KRT32: variants seen among roughly 807,000 people sequenced by gnomAD.
KRT32 encodes the protein keratin 32.
A neutral mutation model predicts 41.8 loss-of-function variants in KRT32; 44 were observed. That is an observed-to-expected ratio of 1.05 (90% CI 0.83 to 1.35). The LOEUF (loss-of-function observed/expected upper bound fraction) is 1.35. KRT32 is among the 40% of genes most tolerant of loss of function. The pLI is 0.00. For missense variants in KRT32, 576 were observed against 584.6 expected (o/e 0.99, Z 0.15); for synonymous variants, 238 against 242.5 (o/e 0.98, Z 0.17).
intron 1 of KRT32, among the ~76,000 whole-genome samples, chr17:41,466,535 C>T (rs1679658864): frequency 6.6e-6 from 1 of 152,176 alleles, no homozygotes; most frequent in Non-Finnish European, 1.5e-5. Flanking sequence ...ACTTGACCTG[C>T]ATCATCTCAT....
chr17:41,464,424 C>A lies in KRT32; in HGVS notation c.728G>T (p.Cys243Phe). 6.4e-7 allele frequency: 1 copy of A among 1,574,090 alleles called. No homozygotes were observed. The highest frequency in any genetic ancestry group is 1.2e-5 in the South Asian group (1 of 84,370). ...GATGTTAAGGCGGTCCCCAAGCTGG[C>A]ATCGAAGGGAACCGACTTCCTGAAA... ...NHEEEVGSLR[C>F]QLGDRLNIEV... The change falls in exon 4 of 7, where the codon TGC (cysteine) becomes TTC (phenylalanine). Residue 243 changes from cysteine to phenylalanine, a missense_variant. Coordinates refer to ENST00000225899, the MANE Select transcript of KRT32 (RefSeq NM_002278.3).
Position 41,465,873 on chromosome 17 carries a change from C to A in KRT32, c.608G>T (p.Arg203Leu). 6.2e-7 allele frequency: 1 copy of A among 1,614,032 alleles called. No homozygotes were observed. The highest frequency in any genetic ancestry group is 8.5e-7 in the Non-Finnish European group (1 of 1,179,952). ...QLVEADINGL[R>L]RILDDLTLCK... is the part of the protein sequence containing the mutation. Reference sequence around the variant, plus strand: ...CAGAGTGAGATCATCCAGGATCCTGCGCAGGCCATTGATGTCGGCCTCCAC... The same window carrying A: ...CAGAGTGAGATCATCCAGGATCCTGAGCAGGCCATTGATGTCGGCCTCCAC... Residue 203 changes from arginine to leucine, a missense_variant, in exon 3 of 7, where the codon CGC becomes CTC. Transcript: ENST00000225899.
chr17:41,467,083 C>T lies in KRT32; in HGVS notation c.243G>A (p.Met81Ile). ...CQAASGISGS[M>I]GPGSWYSEGA... ...CTTCGCTGTACCAGCTGCCGGGGCC[C>T]ATGGAGCCGGAGATGCCACTGGCTG... The change falls in exon 1 of 7, where the codon ATG becomes ATA. Residue 81 changes from methionine (M) to isoleucine (I), a missense_variant. Physicochemically the swap from Met to Ile is conservative, Grantham distance 10 (BLOSUM62 1). Transcript: ENST00000225899. 6.2e-7 allele frequency: 1 copy of T among 1,614,228 alleles called. No individual in the cohort carries two copies. Among genetic ancestry groups the T allele is most frequent in the Non-Finnish European group, 8.5e-7 (1 of 1,180,040 alleles).
In KRT32 at chr17:41,459,525, G is replaced by A. The variant is rs1161388686; in HGVS notation, c.*585C>T. Among the ~76,000 whole-genome samples, 1 of 151,574 alleles carries A rather than the reference G, an allele frequency of 6.6e-6. No individual in the cohort carries two copies. Among genetic ancestry groups the A allele is most frequent in the African/African-American group, 2.4e-5 (1 of 40,870 alleles). Reference sequence around the variant, plus strand: ...GTACCAGCTGTAATGAGATTTAGGGGTGGGTTTATTATGATATGATTCTCA... The same window carrying A: ...GTACCAGCTGTAATGAGATTTAGGGATGGGTTTATTATGATATGATTCTCA... On this transcript the variant is annotated 3_prime_UTR_variant, in exon 7 of 7. Transcript: ENST00000225899.
intron 5 of KRT32, among the ~76,000 whole-genome samples, 162 bp downstream of exon 5, chr17:41,463,916 G>A (rs2019034873): frequency 6.6e-6 from 1 of 152,130 alleles, no homozygotes. Flanking sequence ...TTTTATCTCT[G>A]AGCTGGATCT....
chr17:41,466,075 G>GC lies in KRT32; in HGVS notation c.551+18dup, dbSNP rs1180753791. 3 of 1,613,204 alleles carry GC rather than the reference G, an allele frequency of 1.9e-6. No homozygotes were observed. Among genetic ancestry groups the GC allele is most frequent in the Non-Finnish European group, 1.7e-6 (2 of 1,179,276 alleles). On this transcript the variant is annotated intron_variant, in intron 2 of 6. Coordinates refer to ENST00000225899, the MANE Select transcript of KRT32 (RefSeq NM_002278.3). Reference sequence around the variant, plus strand: ...TGAGGACAGGTCCTCCCCAGCTCCAGCCCCCCGACTGAACTCACTTGGCCC... The same window carrying GC: ...TGAGGACAGGTCCTCCCCAGCTCCAGCCCCCCCGACTGAACTCACTTGGCCC...
chr17:41,464,482 A>G (rs905594131), intron 3 of KRT32, 39 bp from the exon 4 acceptor site: 23 of 1,508,866 alleles, frequency 1.5e-5, no homozygotes, highest in Non-Finnish European at 1.9e-5. Flanking sequence ...TGTGACAATG[A>G]TAGGATCCTG....
rs866282848 is a variant in KRT32 at position 41,463,097 on chromosome 17, T to A, written c.997-47A>T. On this transcript the variant is annotated intron_variant, in intron 5 of 6. Transcript: ENST00000225899. ...CCATGAGGAAGGGAGCTGTTTACCA[T>A]GGCCTGCTTCAGAAAGAACCAAGAA... is the stretch of plus-strand genomic sequence containing the variant. The A allele has an allele frequency of 1.9e-6, 3 of 1,550,356 alleles. No homozygotes were observed. In the Middle Eastern group the frequency reaches 5.3e-4, roughly 274 times the overall value.
At position 41,464,078 on chromosome 17, in the gene KRT32, C is replaced by A; in HGVS notation, c.996G>T (p.Leu332=). The A allele has an allele frequency of 6.3e-7, 1 of 1,586,578 alleles. No homozygotes were observed. Among genetic ancestry groups the A allele is most frequent in the Non-Finnish European group, 8.6e-7 (1 of 1,166,444 alleles). Reference sequence around the variant, plus strand: ...TGGGTGCCCACCCAGCAGCTCTCACCAGGCTGTGCTGGGCCTGCAGCTCGA... The same window carrying A: ...TGGGTGCCCACCCAGCAGCTCTCACAAGGCTGTGCTGGGCCTGCAGCTCGA... The part of the protein sequence containing the change: ...LEIELQAQHS[L]RDSLENTLTE... The change falls in exon 5 of 7, where the codon CTG becomes CTT. Residue 332 remains leucine (L), a splice_region_variant and synonymous_variant. Coordinates refer to ENST00000225899, the MANE Select transcript of KRT32 (RefSeq NM_002278.3).
chr17:41,460,398 C>T (rs751279965), intron 6 of KRT32, among the ~76,000 whole-genome samples, 159 bp from the exon 7 acceptor site: 1 of 152,170 alleles, frequency 6.6e-6, no homozygotes, highest in Non-Finnish European at 1.5e-5. Context: ...CCTGAGTCAC[C>T]TCATGGCCTC....
At chr17:41,460,772 C>G (rs1209752289) in intron 6 of KRT32, among the ~76,000 whole-genome samples, 2 of 152,216 alleles carry the variant, frequency 1.3e-5, no homozygotes, top group South Asian at 4.1e-4. Flanking sequence ...ACCTAGATGA[C>G]GGGTTGATAG....
intron 6 of KRT32, 51 bp downstream of exon 6, chr17:41,462,779 C>T (rs766425953): frequency 1.3e-6 from 2 of 1,596,120 alleles, no homozygotes; most frequent in South Asian, 2.2e-5. Context: ...TTCCTATAAC[C>T]TCCCAGAATC....
At chr17:41,462,447 G>T (rs1399918366) in intron 6 of KRT32, among the ~76,000 whole-genome samples, 1 of 152,144 alleles carries the variant, frequency 6.6e-6, no homozygotes, top group Non-Finnish European at 1.5e-5. Context: ...TATTAATAAA[G>T]CTGCTTTTCA....
At position 41,459,957 on chromosome 17, in the gene KRT32, T is replaced by C. The variant is rs1326212790; in HGVS notation, c.*153A>G. The C allele has an allele frequency of 1.4e-6, 1 of 723,416 alleles. No homozygotes were observed. The highest frequency in any genetic ancestry group is 2.2e-6 in the Non-Finnish European group (1 of 454,600). 44.8% of individuals were successfully genotyped at this position (723,416 alleles called of 1,614,324 possible). A position where few individuals can be genotyped will look rare whatever the true frequency, so the allele number is the denominator to read the frequency against. On this transcript the variant is annotated 3_prime_UTR_variant, in exon 7 of 7. Transcript: ENST00000225899. ...AGTTTTGAAGTGATGAGGGCTTAAGTATCCCCTGGAGTATCAGAGCTTGTT... is the reference window on the plus strand; with the variant it reads ...AGTTTTGAAGTGATGAGGGCTTAAGCATCCCCTGGAGTATCAGAGCTTGTT...
intron 6 of KRT32, 101 bp downstream of exon 6, chr17:41,462,729 G>T (rs754852867): frequency 4.9e-5 from 62 of 1,277,388 alleles, no homozygotes; most frequent in Non-Finnish European, 4.9e-5. Context: ...GTCAGGACAG[G>T]GTTCTAAGCT....
rs2019061617 is a variant in KRT32 at position 41,465,875 on chromosome 17, C to A, written c.606G>T (p.Leu202=). ...RQLVEADING[L]RRILDDLTLC... is the part of the protein sequence containing the mutation. ...GAGTGAGATCATCCAGGATCCTGCG[C>A]AGGCCATTGATGTCGGCCTCCACCA... The change falls in exon 3 of 7, where the codon CTG becomes CTT. Residue 202 remains leucine (L), a synonymous_variant. Transcript: ENST00000225899. The A allele has an allele frequency of 6.2e-7, 1 of 1,614,108 alleles. No individual in the cohort carries two copies. Among genetic ancestry groups the A allele is most frequent in the Non-Finnish European group, 8.5e-7 (1 of 1,179,970 alleles).
At chr17:41,463,503 G>A (rs8076145) in intron 5 of KRT32, among the ~76,000 whole-genome samples, 3,270 of 152,238 alleles carry the variant, frequency 0.021, 111 homozygotes, top group African/African-American at 0.074. Context: ...TCAGGAGTTC[G>A]AGACCAGCCT....
In KRT32 at chr17:41,467,268, G is replaced by C. The variant is rs144589679; in HGVS notation, c.58C>G (p.Arg20Gly). 6.2e-7 allele frequency: 1 copy of C among 1,613,126 alleles called. No individual in the cohort carries two copies. The highest frequency in any genetic ancestry group is 8.5e-7 in the Non-Finnish European group (1 of 1,179,800). The change falls in exon 1 of 7, where the codon CGG becomes GGG. Residue 20 changes from arginine (R) to glycine (G), a missense_variant. Coordinates refer to ENST00000225899, the MANE Select transcript of KRT32 (RefSeq NM_002278.3). ...CCGCTGGAACAGACCGAGGCAGGCCGGGGGCAGCTCTTGAGAGAGGCTTGC... is the reference window on the plus strand; with the variant it reads ...CCGCTGGAACAGACCGAGGCAGGCCCGGGGCAGCTCTTGAGAGAGGCTTGC... ...NLQASLKSCP[R>G]PASVCSSGVN...
At chr17:41,466,784 G>T in intron 1 of KRT32, 74 bp downstream of exon 1, 2 of 1,099,074 alleles carry the variant, frequency 1.8e-6, no homozygotes, top group Non-Finnish European at 2.7e-6. Flanking sequence ...ATAAGCTAAC[G>T]AGATTCCAAT....
Sources: allele counts gnomAD v4.1 joint callset (sites outside exome capture counted in the v4.1 genomes callset), GRCh38; gene constraint gnomAD v4.1.1; transcripts MANE v1.5; gene names NCBI Gene and HGNC (gene_info 2026-07-23, HGNC 2026-07-21).